The following ARHGEF26 variants were observed in gnomAD, a reference collection of about 807,000 sequenced individuals.
The protein encoded by ARHGEF26 is Rho guanine nucleotide exchange factor (GEF) 26.
ARHGEF26 carries 59 observed loss-of-function variants against 89.4 expected under a neutral mutation model. The ratio of observed to expected loss-of-function variants is 0.66; its 90% confidence interval spans 0.54 to 0.82. The LOEUF (loss-of-function observed/expected upper bound fraction) is 0.82. Ranked by LOEUF, ARHGEF26 falls within the 40% of genes least tolerant of loss-of-function variation. The pLI, the probability that ARHGEF26 is intolerant of heterozygous loss-of-function variation, is 0.00. For synonymous variants in ARHGEF26, 500 were observed against 428.4 expected, an observed-to-expected ratio of 1.17 and a Z score of -2.06; for missense variants, 1,234 against 1,085.6, an observed-to-expected ratio of 1.14 and a Z score of -1.92.
chr3:154,191,482 A>C (rs2108187423), intron 8 of ARHGEF26, 64 bp downstream of exon 8: 1 of 1,536,678 alleles, frequency 6.5e-7, no homozygotes, highest in East Asian at 2.3e-5. Flanking sequence ...TGATTTAGAA[A>C]ATTATTATTA....
At chr3:154,173,519 A>G (rs2108144613) in intron 6 of ARHGEF26, among the ~76,000 whole-genome samples, 1 of 152,350 alleles carries the variant, frequency 6.6e-6, no homozygotes, top group Non-Finnish European at 1.5e-5. Flanking sequence ...AATGAAAGAT[A>G]AACATTTTAC....
intron 9 of ARHGEF26, among the ~76,000 whole-genome samples, chr3:154,205,461 C>T (rs546612899): frequency 3.5e-4 from 54 of 152,122 alleles, no homozygotes; most frequent in Admixed American, 1.6e-3. Context: ...TTCATCCATT[C>T]TGCCAGTCTG....
intron 9 of ARHGEF26, among the ~76,000 whole-genome samples, chr3:154,210,856 T>A (rs1715318816): frequency 6.6e-6 from 1 of 151,364 alleles, no homozygotes; most frequent in Non-Finnish European, 1.5e-5. Flanking sequence ...GGCAGGAGAA[T>A]TACTTGAACC....
intron 9 of ARHGEF26, among the ~76,000 whole-genome samples, chr3:154,199,720 G>A (rs1280312041): frequency 2.0e-5 from 3 of 152,022 alleles, no homozygotes; most frequent in Non-Finnish European, 4.4e-5. Flanking sequence ...ATCCTTGCCA[G>A]CATTTGTTAT....
chr3:154,210,780 A>G (rs1443294479), intron 9 of ARHGEF26, among the ~76,000 whole-genome samples: 9 of 151,428 alleles, frequency 5.9e-5, no homozygotes, highest in Non-Finnish European at 8.8e-5. Flanking sequence ...TATCTCTACT[A>G]AAAATACAAA....
intron 9 of ARHGEF26, among the ~76,000 whole-genome samples, chr3:154,208,751 T>C (rs980107706): frequency 6.6e-6 from 1 of 150,672 alleles, no homozygotes; most frequent in Non-Finnish European, 1.5e-5. Context: ...CAGTATTCAG[T>C]ATGCCAATTG....
At chr3:154,178,686 A>G (rs1712983746) in intron 6 of ARHGEF26, among the ~76,000 whole-genome samples, 1 of 152,186 alleles carries the variant, frequency 6.6e-6, no homozygotes, top group Admixed American at 6.5e-5. Context: ...GCTGCTATGA[A>G]CATTTGTGTT....
At position 154,122,037 on chromosome 3, in the gene ARHGEF26, C is replaced by T; in HGVS notation, c.45C>T (p.Thr15=). Residue 15 remains threonine, a synonymous_variant, in exon 2 of 15, where the codon ACC becomes ACT. Transcript: ENST00000465093. ...TGGATTTTTCTAGCAACAGCATAACCCCTTTGTGGCGGAGGCGGTCGATTC... is the reference window on the plus strand; with the variant it reads ...TGGATTTTTCTAGCAACAGCATAACTCCTTTGTGGCGGAGGCGGTCGATTC... The part of the protein sequence containing the change: ...SEVDFSSNSI[T]PLWRRRSIPQ... 1 of 1,611,142 alleles carries T rather than the reference C, an allele frequency of 6.2e-7. No homozygotes were observed. Among genetic ancestry groups the T allele is most frequent in the Non-Finnish European group, 8.5e-7 (1 of 1,177,690 alleles).
intron 9 of ARHGEF26, among the ~76,000 whole-genome samples, chr3:154,213,921 A>G (rs357505): frequency 0.026 from 3,956 of 152,284 alleles, 71 homozygotes; most frequent in Non-Finnish European, 0.038. Context: ...TGGGCTTACA[A>G]TTACAGAAAT....
chr3:154,253,141 G>A lies in ARHGEF26; in HGVS notation c.2326G>A (p.Ala776Thr). ...TQSERARWIT[A>T]LGHSSGKPPA... ...GAGCGAGCGAGCCCGCTGGATAACT[G>A]CCCTGGGACACAGCAGCGGGAAGCC... is the stretch of plus-strand genomic sequence containing the variant. The change falls in exon 13 of 15, where the codon GCC becomes ACC. Residue 776 changes from alanine to threonine, a missense_variant. Physicochemically the swap from Ala to Thr is moderately conservative, Grantham distance 58 (BLOSUM62 0). Transcript: ENST00000465093. 2 of 1,614,040 alleles carry A rather than the reference G, an allele frequency of 1.2e-6. No individual in the cohort carries two copies. The highest frequency in any genetic ancestry group is 1.7e-6 in the Non-Finnish European group (2 of 1,179,898).
intron 11 of ARHGEF26, among the ~76,000 whole-genome samples, chr3:154,234,037 G>A (rs932172905): frequency 2.6e-5 from 4 of 152,194 alleles, no homozygotes; most frequent in African/African-American, 7.2e-5. Flanking sequence ...AATCTCAATA[G>A]CATCTTTTCT....
intron 7 of ARHGEF26, among the ~76,000 whole-genome samples, chr3:154,189,441 G>A (rs984863943): frequency 6.7e-6 from 1 of 150,142 alleles, no homozygotes; most frequent in Non-Finnish European, 1.5e-5. Flanking sequence ...AGGTTCAAGC[G>A]ATTCTCCTGC....
chr3:154,197,840 G>C lies in ARHGEF26; in HGVS notation c.1845+3122G>C, dbSNP rs73160556. ...ATTTCCATAGGAATCTGGTAATTCA[G>C]CTCATCTAGAGTGATGTGTACCATG... is the stretch of plus-strand genomic sequence containing the variant. On this transcript the variant is annotated intron_variant, in intron 9 of 14. Transcript: ENST00000465093. 3.7e-3 allele frequency among the ~76,000 whole-genome samples: 562 copies of C among 152,178 alleles called. 5 individuals carry two copies. The highest frequency in any genetic ancestry group is 6.6e-3 in the Non-Finnish European group (452 of 67,976).
chr3:154,251,905 G>A (rs1357759361), intron 12 of ARHGEF26, among the ~76,000 whole-genome samples: 1 of 152,226 alleles, frequency 6.6e-6, no homozygotes, highest in East Asian at 1.9e-4. Context: ...TAAACACAGA[G>A]CTGTACACGC....
intron 3 of ARHGEF26, among the ~76,000 whole-genome samples, chr3:154,129,023 C>T (rs948043157): frequency 6.6e-6 from 1 of 151,956 alleles, no homozygotes. Context: ...GTTGCCGGTT[C>T]CTAGTAGGTG....
intron 12 of ARHGEF26, among the ~76,000 whole-genome samples, chr3:154,249,882 TGTGA>T (rs1718023332): frequency 6.6e-6 from 1 of 152,210 alleles, no homozygotes; most frequent in Non-Finnish European, 1.5e-5. Flanking sequence ...AATAGATGTC[TGTGA>T]GTGAGCCCTA....
intron 12 of ARHGEF26, among the ~76,000 whole-genome samples, chr3:154,252,800 A>G (rs1718239033): frequency 6.6e-6 from 1 of 152,230 alleles, no homozygotes; most frequent in Admixed American, 6.5e-5. Context: ...AATTATGGGT[A>G]TGCTAAATAC....
chr3:154,205,773 A>T (rs367617280), intron 9 of ARHGEF26, among the ~76,000 whole-genome samples: 2 of 152,146 alleles, frequency 1.3e-5, no homozygotes, highest in East Asian at 3.8e-4. Flanking sequence ...TAAGAACTCT[A>T]TGCCTTAACT....
intron 6 of ARHGEF26, among the ~76,000 whole-genome samples, chr3:154,168,421 A>G (rs1253884148): frequency 6.6e-6 from 1 of 152,108 alleles, no homozygotes; most frequent in Non-Finnish European, 1.5e-5. Flanking sequence ...TACAAAGTAT[A>G]CAAAAATTAG....
Sources: allele counts gnomAD v4.1 joint callset (sites outside exome capture counted in the v4.1 genomes callset), GRCh38; gene constraint gnomAD v4.1.1; transcripts MANE v1.5; gene names NCBI Gene and HGNC (gene_info 2026-07-23, HGNC 2026-07-21).